TRIM63: variants seen among roughly 807,000 people sequenced by gnomAD.
The protein encoded by TRIM63 is E3 ubiquitin-protein ligase TRIM63.
TRIM63 carries 48 observed loss-of-function variants against 46.0 expected under a neutral mutation model. The observed-to-expected ratio is 1.04, with a 90% confidence interval of 0.83 to 1.33. The LOEUF is 1.33. Ranked by LOEUF, TRIM63 falls within the 40% of genes most tolerant of loss-of-function variation. TRIM63 has a pLI of 0.00. For synonymous variants in TRIM63, 175 were observed against 162.8 expected (o/e 1.08, Z -0.57); for missense variants, 455 against 441.2 (o/e 1.03, Z -0.28).
chr1:26,054,840 C>A (rs534596485), intron 7 of TRIM63, among the ~76,000 whole-genome samples: 2 of 152,030 alleles, frequency 1.3e-5, no homozygotes, highest in Admixed American at 1.3e-4. Context: ...TGGTGGCATG[C>A]ACCTGTAATC....
rs1449383294 is a variant in TRIM63, at chr1:26,053,999, C to T, written c.980-35G>A. 3.3e-6 allele frequency: 5 copies of T among 1,509,142 alleles called. No homozygotes were observed. In the African/African-American group the frequency reaches 5.7e-5, roughly 17 times the overall value. 93.5% of individuals were successfully genotyped at this position (1,509,142 alleles called of 1,614,324 possible). ...AAAAACATTTGTGTTAGGATGGGGC[C>T]GGTTCCTTGAGGAGCTACTTGAAGA... On this transcript the variant is annotated intron_variant, in intron 7 of 8. Coordinates refer to ENST00000374272, the MANE Select transcript of TRIM63 (RefSeq NM_032588.4).
In TRIM63 at chr1:26,064,008, C is replaced by T. The variant is rs183165376; in HGVS notation, c.332+2260G>A. Among the ~76,000 whole-genome samples the T allele has an allele frequency of 5.3e-4, 81 of 152,350 alleles. No homozygotes were observed. The Middle Eastern group carries it at 0.02, about 38-fold the overall frequency. On this transcript the variant is annotated intron_variant, in intron 2 of 8. Transcript: ENST00000374272. Reference sequence around the variant, plus strand: ...CTAGCTCAGCAATTAAGAATATTCACCGGCCGGCCAGGCGCGGTGGCCCAC... The same window carrying T: ...CTAGCTCAGCAATTAAGAATATTCATCGGCCGGCCAGGCGCGGTGGCCCAC...
chr1:26,052,856 C>G (rs1434930430), intron 8 of TRIM63, among the ~76,000 whole-genome samples: 1 of 152,194 alleles, frequency 6.6e-6, no homozygotes, highest in African/African-American at 2.4e-5. Context: ...TTTTTCTAAA[C>G]TTTCACAAGG....
intron 1 of TRIM63, 130 bp from the exon 2 acceptor site, chr1:26,066,570 G>A: frequency 2.5e-6 from 2 of 795,366 alleles, no homozygotes; most frequent in Non-Finnish European, 3.8e-6. Context: ...GAGCTCTGCA[G>A]ACTGTGATGA....
Position 26,060,274 on chromosome 1 carries a change from C to A in TRIM63, c.589G>T (p.Val197Leu), listed in dbSNP as rs1557573659. Residue 197 changes from valine to leucine, a missense_variant, in exon 4 of 9, where the codon GTG becomes TTG. Transcript: ENST00000374272. ...CTATTCTGTCCGCTCACCTTGGTCA[C>A]TCGACGGGAATCCTCCAGCTGAGTG... ...IITQLEDSRR[V>L]TKENSHQVKE... 6.2e-7 allele frequency: 1 copy of A among 1,613,876 alleles called. No homozygotes were observed. Among genetic ancestry groups the A allele is most frequent in the East Asian group, 2.2e-5 (1 of 44,882 alleles).
intron 4 of TRIM63, 93 bp from the exon 5 acceptor site, chr1:26,058,716 C>T: frequency 2.0e-6 from 2 of 1,001,816 alleles, no homozygotes; most frequent in Admixed American, 1.9e-5. Flanking sequence ...GAATCTAAAG[C>T]TAGAAGAGAT....
chr1:26,058,621 C>G lies in TRIM63; in HGVS notation c.600G>C (p.Glu200Asp). 6.2e-7 allele frequency: 1 copy of G among 1,613,918 alleles called. No individual in the cohort carries two copies. Among genetic ancestry groups the G allele is most frequent in the Non-Finnish European group, 8.5e-7 (1 of 1,179,888 alleles). The change falls in exon 5 of 9, where the codon GAG becomes GAC. Residue 200 changes from glutamate (E) to aspartate (D), a missense_variant and splice_region_variant. Physicochemically the swap from Glu to Asp is conservative, Grantham distance 45. Transcript: ENST00000374272. ...GCTCTTCCTTTACCTGGTGACTGTT[C>G]TCCTGAGGACGGAAGTCTTGTGGTC... ...QLEDSRRVTK[E>D]NSHQVKEELS...
chr1:26,060,874 G>C (rs2050617732), intron 3 of TRIM63, among the ~76,000 whole-genome samples: 1 of 152,164 alleles, frequency 6.6e-6, no homozygotes, highest in African/African-American at 2.4e-5. Context: ...GAGGTGTCTG[G>C]GGGATGGAGA....
intron 8 of TRIM63, among the ~76,000 whole-genome samples, chr1:26,052,672 G>C (rs1371335515): frequency 2.0e-5 from 3 of 152,046 alleles, no homozygotes; most frequent in African/African-American, 7.2e-5. Context: ...TCACCATGTT[G>C]GCCAGGATGG....
intron 8 of TRIM63, among the ~76,000 whole-genome samples, chr1:26,053,456 G>A (rs909167868): frequency 1.3e-5 from 2 of 151,952 alleles, no homozygotes; most frequent in Non-Finnish European, 2.9e-5. Context: ...GTTTCACCAT[G>A]TTGGCCAGGC....
intron 1 of TRIM63, 48 bp from the exon 2 acceptor site, chr1:26,066,488 C>G: frequency 1.4e-6 from 2 of 1,468,688 alleles, no homozygotes; most frequent in East Asian, 2.4e-5. Flanking sequence ...CTACTTAGCC[C>G]TTCTCTTTTC....
intron 7 of TRIM63, among the ~76,000 whole-genome samples, chr1:26,054,907 G>A (rs543680685): frequency 6.6e-6 from 1 of 150,612 alleles, no homozygotes; most frequent in Non-Finnish European, 1.5e-5. Context: ...GGCAAACGTT[G>A]CAGTGAGCTG....
chr1:26,064,071 G>T (rs935216359), intron 2 of TRIM63, among the ~76,000 whole-genome samples: 1 of 152,270 alleles, frequency 6.6e-6, no homozygotes, highest in African/African-American at 2.4e-5. Context: ...CAAGGCGGGC[G>T]CATTACCTGA....
In TRIM63 at chr1:26,065,182, C is replaced by T. The variant is rs765004959; in HGVS notation, c.332+1086G>A. ...GGGATGACAGGCACGCGCCACCACG[C>T]CTGGCTAATTTTTGTATTTTTAGTA... On this transcript the variant is annotated intron_variant, in intron 2 of 8. Coordinates refer to ENST00000374272, the MANE Select transcript of TRIM63 (RefSeq NM_032588.4). 7.9e-5 allele frequency among the ~76,000 whole-genome samples: 12 copies of T among 152,124 alleles called. 1 individual carries two copies. Among genetic ancestry groups the T allele is most frequent in the Non-Finnish European group, 1.5e-4 (10 of 68,028 alleles).
Position 26,053,976 on chromosome 1 carries a change from A to T in TRIM63, c.980-12T>A, listed in dbSNP as rs1307865752. On this transcript the variant is annotated splice_polypyrimidine_tract_variant and intron_variant, in intron 7 of 8. Transcript: ENST00000374272. ...TTCCTCTTCCTCATCTGTGACAAAA[A>T]AACATTTGTGTTAGGATGGGGCCGG... The T allele has an allele frequency of 1.3e-6, 2 of 1,574,776 alleles. No individual in the cohort carries two copies. Among genetic ancestry groups the T allele is most frequent in the Admixed American group, 4.1e-5 (2 of 49,372 alleles).
At chr1:26,064,607 A>T (rs1242163967) in intron 2 of TRIM63, among the ~76,000 whole-genome samples, 2 of 152,172 alleles carry the variant, frequency 1.3e-5, no homozygotes, top group Non-Finnish European at 2.9e-5. Context: ...GATAGGAAAA[A>T]TGCCTGAAAG....
At chr1:26,054,989 G>A (rs890433051) in intron 7 of TRIM63, among the ~76,000 whole-genome samples, 1 of 149,336 alleles carries the variant, frequency 6.7e-6, no homozygotes, top group African/African-American at 2.5e-5. Context: ...AAAAAAAATA[G>A]TATCTCCAAA....
At chr1:26,052,199 C>T (rs972110818) in intron 8 of TRIM63, among the ~76,000 whole-genome samples, 3 of 152,176 alleles carry the variant, frequency 2.0e-5, no homozygotes, top group Admixed American at 2.0e-4. Flanking sequence ...CATCAGACAC[C>T]GTGCTAAACG....
intron 7 of TRIM63, among the ~76,000 whole-genome samples, 198 bp from the exon 8 acceptor site, chr1:26,054,162 C>T (rs905509635): frequency 6.6e-6 from 1 of 152,214 alleles, no homozygotes; most frequent in African/African-American, 2.4e-5. Context: ...CTCCTGCAAT[C>T]CCCCGCACTC....
Sources: gnomAD v4.1 joint callset for allele counts (sites outside exome capture counted in the v4.1 genomes callset) on GRCh38, gnomAD v4.1.1 for gene constraint, MANE v1.5 for transcripts, NCBI Gene and HGNC (gene_info 2026-07-23, HGNC 2026-07-21) for gene names.